Variants in FAM135A observed in about 807,000 individuals in gnomAD.
FAM135A encodes the protein protein FAM135A.
In FAM135A, 79 loss-of-function variants were observed where a neutral mutation model predicts 146.8. That is an observed-to-expected ratio of 0.54 (90% CI 0.45 to 0.65). FAM135A has a LOEUF of 0.65. Ranked by LOEUF, FAM135A falls within the 30% of genes least tolerant of loss-of-function variation. The pLI, the probability that FAM135A is intolerant of heterozygous loss-of-function variation, is 0.00. For missense variants in FAM135A, 1,623 were observed against 1,758.2 expected (o/e 0.92, Z 1.38); for synonymous variants, 562 against 603.6 (o/e 0.93, Z 1.01).
intron 5 of FAM135A, among the ~76,000 whole-genome samples, chr6:70,470,491 G>A (rs757568561): frequency 2.4e-4 from 36 of 152,102 alleles, no homozygotes; most frequent in Non-Finnish European, 4.9e-4. Flanking sequence ...TAAGTAGCTG[G>A]GATTACAGGT....
At chr6:70,480,500 A>T (rs1783494236) in intron 8 of FAM135A, among the ~76,000 whole-genome samples, 2 of 152,138 alleles carry the variant, frequency 1.3e-5, no homozygotes, top group Admixed American at 6.6e-5. Context: ...TTTACATGGG[A>T]GCTCTTTATT....
intron 4 of FAM135A, among the ~76,000 whole-genome samples, chr6:70,451,234 G>C (rs1170575022): frequency 6.6e-6 from 1 of 152,178 alleles, no homozygotes; most frequent in Non-Finnish European, 1.5e-5. Flanking sequence ...GATTGTGAAT[G>C]TACGCTATGA....
intron 12 of FAM135A, among the ~76,000 whole-genome samples, chr6:70,516,490 T>G (rs1453150447): frequency 2.0e-5 from 3 of 151,976 alleles, no homozygotes; most frequent in Non-Finnish European, 2.9e-5. Context: ...CTTATTAGCT[T>G]TTATTGAGAT....
intron 12 of FAM135A, among the ~76,000 whole-genome samples, chr6:70,511,213 CTTCTA>C (rs532307695): frequency 5.1e-4 from 78 of 151,950 alleles, no homozygotes; most frequent in African/African-American, 1.3e-3. Context: ...CAAATGTTTT[CTTCTA>C]TTCTATGAGT....
chr6:70,433,924 C>A (rs918055426), intron 4 of FAM135A, among the ~76,000 whole-genome samples: 1 of 152,088 alleles, frequency 6.6e-6, no homozygotes, highest in African/African-American at 2.4e-5. Flanking sequence ...CAGATACTAA[C>A]AATCTAAAGA....
intron 20 of FAM135A, among the ~76,000 whole-genome samples, chr6:70,546,404 A>C (rs1205289787): frequency 1.3e-5 from 2 of 152,198 alleles, no homozygotes; most frequent in African/African-American, 4.8e-5. Context: ...TACTTGTCTA[A>C]ATCAAAATCC....
At chr6:70,453,106 T>C (rs1332610357) in intron 5 of FAM135A, among the ~76,000 whole-genome samples, 1 of 152,174 alleles carries the variant, frequency 6.6e-6, no homozygotes, top group Non-Finnish European at 1.5e-5. Context: ...TTAAAACTGG[T>C]GGCCCTGACA....
chr6:70,522,693 A>G, intron 13 of FAM135A, 107 bp downstream of exon 13: 1 of 810,864 alleles, frequency 1.2e-6, no homozygotes, highest in Non-Finnish European at 1.9e-6. Context: ...AATATAAGAA[A>G]TTAGGAGAAT....
chr6:70,558,195 G>C (rs144503598), intron 21 of FAM135A, among the ~76,000 whole-genome samples: 7 of 152,254 alleles, frequency 4.6e-5, no homozygotes, highest in African/African-American at 1.7e-4. Flanking sequence ...GGAGTAAAAA[G>C]TTTTTTGATG....
intron 2 of FAM135A, chr6:70,417,705 C>T: frequency 3.6e-6 from 3 of 824,904 alleles, no homozygotes; most frequent in Non-Finnish European, 4.4e-6. Flanking sequence ...TTCAGATTGC[C>T]AGCAAGTCAA....
At chr6:70,488,939 C>A (rs183442402) in intron 10 of FAM135A, among the ~76,000 whole-genome samples, 3 of 152,042 alleles carry the variant, frequency 2.0e-5, no homozygotes, top group Non-Finnish European at 4.4e-5. Flanking sequence ...TAAGTGATTT[C>A]AAAATTATTT....
At chr6:70,501,762 C>T (rs1484165157) in intron 11 of FAM135A, among the ~76,000 whole-genome samples, 2 of 152,156 alleles carry the variant, frequency 1.3e-5, no homozygotes, top group African/African-American at 4.8e-5. Context: ...ACGCCCCACC[C>T]TGCTTCTACT....
intron 18 of FAM135A, chr6:70,535,981 C>T (rs114538940): frequency 2.0e-3 from 457 of 229,710 alleles, no homozygotes; most frequent in African/African-American, 9.4e-3. Flanking sequence ...ATCTTTAATA[C>T]GTACTTATAT....
chr6:70,418,603 C>G (rs1318188768), intron 2 of FAM135A: 4 of 152,378 alleles, frequency 2.6e-5, no homozygotes, highest in Admixed American at 6.5e-5. Flanking sequence ...AGGCATGAGC[C>G]ACTGTGCCTG....
chr6:70,490,838 ATATT>A (rs1220634404), intron 10 of FAM135A, among the ~76,000 whole-genome samples, 192 bp from the exon 11 acceptor site: 2 of 151,770 alleles, frequency 1.3e-5, no homozygotes, highest in African/African-American at 4.8e-5. Flanking sequence ...ATAAAAAATG[ATATT>A]TATCAGAATG....
chr6:70,478,163 T>G (rs549950895), intron 8 of FAM135A, among the ~76,000 whole-genome samples: 13 of 152,178 alleles, frequency 8.5e-5, no homozygotes, highest in African/African-American at 2.4e-4. Flanking sequence ...AACTATATCA[T>G]GTACCATTAG....
intron 5 of FAM135A, among the ~76,000 whole-genome samples, chr6:70,455,700 A>T (rs73476866): frequency 0.043 from 6,498 of 152,108 alleles, 297 homozygotes; most frequent in African/African-American, 0.1. Flanking sequence ...AAATCCTCAG[A>T]TTTTAGTTGG....
At chr6:70,526,898 G>A (rs774285866) in intron 15 of FAM135A, among the ~76,000 whole-genome samples, 200 bp downstream of exon 15, 4 of 151,684 alleles carry the variant, frequency 2.6e-5, no homozygotes, top group Non-Finnish European at 4.4e-5. Context: ...ATGACTATCC[G>A]AAATGGAGAA....
Position 70,525,444 on chromosome 6 carries a change from T to G in FAM135A, c.2360T>G (p.Leu787Ter). ...TTTGCGACACATCCAAACACTGATT[T>G]AGTCTTTGAAACTGTGCAAGGGCAA... The part of the protein sequence containing the change: ...SSFATHPNTD[L>*]VFETVQGQGP... Residue 787 changes from leucine (L) to a stop codon, truncating the protein, a stop_gained, in exon 15 of 22, where the codon TTA (leucine) becomes TGA (stop). Coordinates refer to ENST00000418814, the MANE Select transcript of FAM135A (RefSeq NM_001162529.3). LOFTEE classifies it high-confidence loss of function. 6.2e-7 allele frequency: 1 copy of G among 1,613,602 alleles called. No individual in the cohort carries two copies. The highest frequency in any genetic ancestry group is 8.5e-7 in the Non-Finnish European group (1 of 1,179,672).
Sources: gnomAD v4.1 joint callset for allele counts (sites outside exome capture counted in the v4.1 genomes callset) on GRCh38, gnomAD v4.1.1 for gene constraint, MANE v1.5 for transcripts, NCBI Gene and HGNC (gene_info 2026-07-23, HGNC 2026-07-21) for gene names.